The following DLGAP2 variants were observed in gnomAD, a reference collection of about 807,000 sequenced individuals.
DLGAP2 encodes the protein DLG associated protein 2.
In DLGAP2, 26 loss-of-function variants were observed where a neutral mutation model predicts 100.3. That is an observed-to-expected ratio of 0.26 (90% confidence interval 0.19 to 0.36). The LOEUF is 0.36. Ranked by LOEUF, DLGAP2 falls within the 10% of genes least tolerant of loss-of-function variation. The pLI, the probability that DLGAP2 is intolerant of heterozygous loss-of-function variation, is 1.00. For missense variants in DLGAP2, 1,858 were observed against 1,453.2 expected (o/e 1.28, Z -4.53); for synonymous variants, 886 against 630.1 (o/e 1.41, Z -6.08).
chr8:1,620,387 T>G (rs1157742004), intron 6 of DLGAP2: 1 of 152,296 alleles, frequency 6.6e-6, no homozygotes, highest in Non-Finnish European at 1.5e-5. Context: ...AGAGGCCTCC[T>G]CCACCTTTCT....
intron 2 of DLGAP2, among the ~76,000 whole-genome samples, chr8:1,045,956 A>G (rs1388494830): frequency 6.6e-6 from 1 of 152,160 alleles, no homozygotes; most frequent in Non-Finnish European, 1.5e-5. Flanking sequence ...CAGTAATTTC[A>G]AAGTGAAGGG....
intron 2 of DLGAP2, among the ~76,000 whole-genome samples, chr8:1,230,374 A>G (rs527495545): frequency 6.6e-6 from 1 of 152,318 alleles, no homozygotes; most frequent in Admixed American, 6.5e-5. Flanking sequence ...GGCACAAGCA[A>G]CCAAAAACAT....
At chr8:1,392,715 G>T (rs370932807) in intron 3 of DLGAP2, among the ~76,000 whole-genome samples, 1 of 152,198 alleles carries the variant, frequency 6.6e-6, no homozygotes, top group African/African-American at 2.4e-5. Flanking sequence ...CTGCGTTTCA[G>T]TGGAAGTGCC....
chr8:1,416,849 G>A (rs1479618130), intron 3 of DLGAP2, among the ~76,000 whole-genome samples: 2 of 152,184 alleles, frequency 1.3e-5, no homozygotes, highest in African/African-American at 4.8e-5. Context: ...GTTGCAAAGC[G>A]TGAGCATAAT....
chr8:773,290 C>T (rs1469702674), intron 1 of DLGAP2, among the ~76,000 whole-genome samples: 1 of 151,744 alleles, frequency 6.6e-6, no homozygotes, highest in Non-Finnish European at 1.5e-5. Context: ...TGGATCAGGG[C>T]CCCATCCTCA....
chr8:771,700 C>G (rs1359632864), intron 1 of DLGAP2, among the ~76,000 whole-genome samples: 2 of 152,244 alleles, frequency 1.3e-5, no homozygotes, highest in African/African-American at 4.8e-5. Flanking sequence ...GGCTCTGCCC[C>G]ACTGTTAGGT....
intron 1 of DLGAP2, among the ~76,000 whole-genome samples, chr8:861,372 C>T (rs1012004196): frequency 1.3e-5 from 2 of 152,144 alleles, no homozygotes; most frequent in African/African-American, 4.8e-5. Context: ...AACCCCTCCT[C>T]ACACATACCG....
At chr8:1,372,778 C>T (rs183139777) in intron 3 of DLGAP2, among the ~76,000 whole-genome samples, 4 of 152,276 alleles carry the variant, frequency 2.6e-5, no homozygotes, top group Admixed American at 6.5e-5. Context: ...AATTGTACTG[C>T]AATAGAGGCA....
intron 2 of DLGAP2, among the ~76,000 whole-genome samples, chr8:1,080,785 G>A (rs1304535075): frequency 1.3e-5 from 2 of 152,194 alleles, no homozygotes; most frequent in Non-Finnish European, 2.9e-5. Context: ...ATCCTTAAGT[G>A]TTGAAATTAT....
intron 2 of DLGAP2, among the ~76,000 whole-genome samples, chr8:1,100,743 G>A (rs1804551781): frequency 6.6e-6 from 1 of 152,176 alleles, no homozygotes; most frequent in Non-Finnish European, 1.5e-5. Context: ...TTCCACGCAT[G>A]ATCTGCCACG....
At chr8:797,438 C>T (rs923892905) in intron 1 of DLGAP2, among the ~76,000 whole-genome samples, 9 of 152,230 alleles carry the variant, frequency 5.9e-5, no homozygotes, top group Admixed American at 3.3e-4. Context: ...TGCCACATTT[C>T]GCCTTTCCAT....
At chr8:1,214,246 C>G (rs1026090332) in intron 2 of DLGAP2, among the ~76,000 whole-genome samples, 1 of 152,228 alleles carries the variant, frequency 6.6e-6, no homozygotes, top group Admixed American at 6.5e-5. Flanking sequence ...CAAGTCCTCT[C>G]CCAACCAACC....
chr8:1,088,576 G>C (rs374075154), intron 2 of DLGAP2, among the ~76,000 whole-genome samples: 2 of 152,138 alleles, frequency 1.3e-5, no homozygotes, highest in African/African-American at 2.4e-5. Flanking sequence ...AGGAAATTTA[G>C]CTGTGGCTTC....
chr8:973,385 C>A (rs1339203106), intron 2 of DLGAP2, among the ~76,000 whole-genome samples: 2 of 152,048 alleles, frequency 1.3e-5, no homozygotes, highest in Non-Finnish European at 2.9e-5. Flanking sequence ...AGGGGCTCCT[C>A]ACTTCTCAGA....
At chr8:1,599,008 C>T (rs1796542803) in intron 6 of DLGAP2, among the ~76,000 whole-genome samples, 1 of 152,178 alleles carries the variant, frequency 6.6e-6, no homozygotes. Context: ...GCATTTGGTG[C>T]TATAAATTTT....
chr8:1,435,864 C>G (rs1000404577), intron 3 of DLGAP2, among the ~76,000 whole-genome samples: 1 of 151,582 alleles, frequency 6.6e-6, no homozygotes, highest in Non-Finnish European at 1.5e-5. Flanking sequence ...TAGTGCTTAA[C>G]AAGAGAGTTT....
At chr8:1,613,398 G>T (rs532829776) in intron 6 of DLGAP2, among the ~76,000 whole-genome samples, 4 of 152,080 alleles carry the variant, frequency 2.6e-5, no homozygotes, top group East Asian at 3.9e-4. Context: ...GTGGTGGGGT[G>T]GGGGGAGCGG....
intron 2 of DLGAP2, among the ~76,000 whole-genome samples, chr8:1,256,707 C>G (rs1799229768): frequency 6.6e-6 from 1 of 152,206 alleles, no homozygotes; most frequent in South Asian, 2.1e-4. Context: ...TGTGGGCCCT[C>G]TGTTCCCGAG....
At chr8:1,342,310 C>T (rs1248297948) in intron 3 of DLGAP2, among the ~76,000 whole-genome samples, 3 of 152,166 alleles carry the variant, frequency 2.0e-5, no homozygotes, top group Non-Finnish European at 4.4e-5. Context: ...CCCAACCTCA[C>T]ATATTATTTC....
Sources: gnomAD v4.1 joint callset for allele counts (sites outside exome capture counted in the v4.1 genomes callset) on GRCh38, gnomAD v4.1.1 for gene constraint, MANE v1.5 for transcripts, NCBI Gene and HGNC (gene_info 2026-07-23, HGNC 2026-07-21) for gene names.